ZCCHC7: variants seen among roughly 807,000 people sequenced by gnomAD.
The protein encoded by ZCCHC7 is zinc finger CCHC domain-containing protein 7.
ZCCHC7 carries 35 observed loss-of-function variants against 52.0 expected under a neutral mutation model. That is an observed-to-expected ratio of 0.67 (90% CI 0.51 to 0.89). ZCCHC7 has a LOEUF of 0.89. Ranked by LOEUF, ZCCHC7 falls within the 40% of genes least tolerant of loss-of-function variation. The pLI is 0.00. For missense variants in ZCCHC7, 574 were observed against 649.1 expected, an observed-to-expected ratio of 0.88 and a Z score of 1.26; for synonymous variants, 217 against 221.5, an observed-to-expected ratio of 0.98 and a Z score of 0.18.
At chr9:37,168,801 C>G (rs1821569556) in intron 2 of ZCCHC7, among the ~76,000 whole-genome samples, 1 of 152,098 alleles carries the variant, frequency 6.6e-6, no homozygotes. Context: ...TTATCAAATA[C>G]CCAGCCTTGG....
intron 2 of ZCCHC7, among the ~76,000 whole-genome samples, chr9:37,266,431 AATC>A (rs1390677501): frequency 6.6e-6 from 1 of 152,176 alleles, no homozygotes; most frequent in Non-Finnish European, 1.5e-5. Context: ...GGATTTGATA[AATC>A]ATCAGGGAAA....
At chr9:37,181,025 A>T (rs1463430270) in intron 2 of ZCCHC7, among the ~76,000 whole-genome samples, 1 of 152,190 alleles carries the variant, frequency 6.6e-6, no homozygotes, top group Non-Finnish European at 1.5e-5. Context: ...CAAACTGTTA[A>T]AATACATTTT....
At chr9:37,246,431 G>A (rs964140572) in intron 2 of ZCCHC7, among the ~76,000 whole-genome samples, 5 of 152,074 alleles carry the variant, frequency 3.3e-5, no homozygotes, top group Non-Finnish European at 7.4e-5. Flanking sequence ...GTATGATAAT[G>A]ATTTTGTTAC....
At chr9:37,187,604 T>G (rs573063778) in intron 2 of ZCCHC7, among the ~76,000 whole-genome samples, 9 of 152,190 alleles carry the variant, frequency 5.9e-5, no homozygotes, top group Non-Finnish European at 8.8e-5. Context: ...ATATTATTGT[T>G]TCTACTTCGG....
intron 7 of ZCCHC7, 144 bp downstream of exon 7, chr9:37,349,596 C>T (rs930734580): frequency 8.2e-6 from 6 of 729,674 alleles, no homozygotes; most frequent in Non-Finnish European, 1.3e-5. Context: ...AACTGGTTTA[C>T]CCCTCCCCTC....
At chr9:37,338,549 G>A (rs1465776296) in intron 6 of ZCCHC7, among the ~76,000 whole-genome samples, 1 of 152,120 alleles carries the variant, frequency 6.6e-6, no homozygotes, top group Non-Finnish European at 1.5e-5. Context: ...AAGAGAAGTA[G>A]GGAGGAAGTT....
At chr9:37,120,868 T>G (rs990158462) in intron 1 of ZCCHC7, 3 of 207,846 alleles carry the variant, frequency 1.4e-5, no homozygotes, top group African/African-American at 2.3e-5. Context: ...GCCGTGATTC[T>G]AGAGCGGCTG....
chr9:37,208,143 A>G (rs1261572172), intron 2 of ZCCHC7, among the ~76,000 whole-genome samples: 3 of 152,102 alleles, frequency 2.0e-5, no homozygotes, highest in Non-Finnish European at 4.4e-5. Flanking sequence ...CCCAGGCTGG[A>G]GTGCAGTGGC....
chr9:37,298,511 A>G (rs1196569130), intron 2 of ZCCHC7, among the ~76,000 whole-genome samples: 1 of 152,228 alleles, frequency 6.6e-6, no homozygotes, highest in African/African-American at 2.4e-5. Context: ...ATTCAGGAGG[A>G]AATGAGACAG....
At chr9:37,350,754 T>C (rs1242413124) in intron 7 of ZCCHC7, among the ~76,000 whole-genome samples, 1 of 152,300 alleles carries the variant, frequency 6.6e-6, no homozygotes, top group Non-Finnish European at 1.5e-5. Context: ...AGAGAAAGGA[T>C]GTAATAAGAA....
intron 2 of ZCCHC7, among the ~76,000 whole-genome samples, chr9:37,143,654 T>C (rs757841302): frequency 6.6e-6 from 1 of 151,800 alleles, no homozygotes; most frequent in Non-Finnish European, 1.5e-5. Context: ...CGTAGAGTGC[T>C]TGAACTCTTT....
At chr9:37,144,800 T>C (rs561992805) in intron 2 of ZCCHC7, 6 of 152,118 alleles carry the variant, frequency 3.9e-5, no homozygotes, top group African/African-American at 1.4e-4. Flanking sequence ...ACAGTGTATA[T>C]GACCATTTCT....
intron 2 of ZCCHC7, among the ~76,000 whole-genome samples, chr9:37,221,317 G>A (rs1824798076): frequency 6.6e-6 from 1 of 152,156 alleles, no homozygotes; most frequent in Non-Finnish European, 1.5e-5. Context: ...GATGGTGTTA[G>A]TAAGAATAGA....
chr9:37,124,588 G>A (rs905322890), intron 1 of ZCCHC7, among the ~76,000 whole-genome samples: 3 of 152,082 alleles, frequency 2.0e-5, no homozygotes, highest in African/African-American at 7.2e-5. Context: ...TATTGAATAA[G>A]TAATTATAAA....
At chr9:37,201,625 G>C (rs1039472282) in intron 2 of ZCCHC7, among the ~76,000 whole-genome samples, 10 of 152,208 alleles carry the variant, frequency 6.6e-5, no homozygotes, top group African/African-American at 2.2e-4. Context: ...CAGTGGTCCA[G>C]AGTTACTTTA....
At chr9:37,349,878 C>G (rs934866567) in intron 7 of ZCCHC7, among the ~76,000 whole-genome samples, 3 of 152,102 alleles carry the variant, frequency 2.0e-5, no homozygotes, top group Non-Finnish European at 4.4e-5. Context: ...ACCTCCTTCT[C>G]CCGGGTTCAA....
At chr9:37,137,499 C>T (rs1404279331) in intron 2 of ZCCHC7, among the ~76,000 whole-genome samples, 2 of 152,170 alleles carry the variant, frequency 1.3e-5, no homozygotes, top group African/African-American at 2.4e-5. Context: ...TCTGCCTAAA[C>T]AAGAAAGGAT....
intron 2 of ZCCHC7, among the ~76,000 whole-genome samples, chr9:37,184,971 G>A (rs1822571953): frequency 1.3e-5 from 2 of 152,140 alleles, no homozygotes; most frequent in South Asian, 4.1e-4. Context: ...TGGGTTTCTA[G>A]GAATGTTAGT....
chr9:37,326,272 T>A (rs991861661), intron 5 of ZCCHC7: 5 of 152,106 alleles, frequency 3.3e-5, no homozygotes, highest in African/African-American at 1.2e-4. Context: ...TAACAAAGTT[T>A]GTGGCTACAT....
Sources: gnomAD v4.1 joint callset for allele counts (sites outside exome capture counted in the v4.1 genomes callset) on GRCh38, gnomAD v4.1.1 for gene constraint, MANE v1.5 for transcripts, NCBI Gene and HGNC (gene_info 2026-07-23, HGNC 2026-07-21) for gene names.